MDGA2: variants seen among roughly 807,000 people sequenced by gnomAD.
MDGA2 encodes the protein MAM domain containing glycosylphosphatidylinositol anchor 2.
Under a neutral mutation model 117.8 loss-of-function variants are expected in MDGA2, and 40 were observed. The observed-to-expected ratio is 0.34, with a 90% CI of 0.26 to 0.44. The LOEUF (loss-of-function observed/expected upper bound fraction) is 0.44. Among genes scored for constraint, MDGA2 ranks in the 20% least tolerant of loss-of-function variants. The pLI is 1.00. For missense variants in MDGA2, 1,123 were observed against 1,250.6 expected, an observed-to-expected ratio of 0.90 and a Z score of 1.54; for synonymous variants, 452 against 439.0, an observed-to-expected ratio of 1.03 and a Z score of -0.37.
chr14:47,196,935 G>A (rs190448316), intron 3 of MDGA2, among the ~76,000 whole-genome samples: 62 of 152,294 alleles, frequency 4.1e-4, no homozygotes, highest in African/African-American at 1.4e-3. Context: ...TTCTGTTCCT[G>A]TGTTAGTTCA....
At chr14:46,993,884 G>A (rs1887187880) in intron 8 of MDGA2, among the ~76,000 whole-genome samples, 1 of 152,110 alleles carries the variant, frequency 6.6e-6, no homozygotes, top group African/African-American at 2.4e-5. Flanking sequence ...TTTGTATTCA[G>A]CTTCTGGGAG....
chr14:47,527,360 T>G (rs762051541), intron 1 of MDGA2, among the ~76,000 whole-genome samples: 3 of 152,172 alleles, frequency 2.0e-5, no homozygotes, highest in Non-Finnish European at 2.9e-5. Flanking sequence ...GTCAAGAATT[T>G]TATAGATGGA....
intron 9 of MDGA2, among the ~76,000 whole-genome samples, chr14:46,932,611 G>A (rs949926753): frequency 1.1e-4 from 17 of 152,052 alleles, no homozygotes; most frequent in African/African-American, 3.6e-4. Flanking sequence ...TAAGGCCCAC[G>A]ATGATGCCCT....
chr14:47,180,403 G>A lies in MDGA2; in HGVS notation c.596-36129C>T, dbSNP rs530923091. On this transcript the variant is annotated intron_variant, in intron 3 of 16. Transcript: ENST00000399232. ...ACAGCAAAAGAAACTATCAATAGAG[G>A]AAACAGACAACCTATGAGATGAGAG... 5.7e-4 allele frequency among the ~76,000 whole-genome samples: 87 copies of A among 152,176 alleles called. 2 individuals carry two copies. The South Asian group carries it at 0.018, about 31-fold the overall frequency.
intron 8 of MDGA2, among the ~76,000 whole-genome samples, chr14:46,978,624 A>G (rs1026059323): frequency 8.5e-5 from 13 of 152,114 alleles, no homozygotes; most frequent in African/African-American, 2.9e-4. Context: ...AACTGTAAAT[A>G]TGAAGTTTCA....
chr14:47,115,858 T>C lies in MDGA2; in HGVS notation c.925+15856A>G, dbSNP rs1377758929. Among the ~76,000 whole-genome samples the C allele has an allele frequency of 2.0e-5, 3 of 152,144 alleles. No homozygotes were observed. In the East Asian group the frequency reaches 5.8e-4, roughly 29 times the overall value. On this transcript the variant is annotated intron_variant, in intron 5 of 16. Coordinates refer to ENST00000399232, the MANE Select transcript of MDGA2 (RefSeq NM_001113498.3). ...AGTGTGAAAATCAAAAAGGTTTTCC[T>C]ATAAGGTCTGGAATACGGAAAGGAT... is the stretch of plus-strand genomic sequence containing the variant.
chr14:47,494,936 T>C (rs1894249666), intron 1 of MDGA2, among the ~76,000 whole-genome samples: 1 of 150,712 alleles, frequency 6.6e-6, no homozygotes, highest in Non-Finnish European at 1.5e-5. Context: ...ATATTTTACA[T>C]ATACACACAC....
intron 8 of MDGA2, among the ~76,000 whole-genome samples, chr14:46,999,877 G>T (rs1887441120): frequency 6.6e-6 from 1 of 152,006 alleles, no homozygotes. Context: ...CATCTGCTCT[G>T]TCTACCTTCA....
chr14:47,059,932 T>C (rs1889820355), intron 7 of MDGA2, among the ~76,000 whole-genome samples: 1 of 152,078 alleles, frequency 6.6e-6, no homozygotes, highest in African/African-American at 2.4e-5. Flanking sequence ...GTGTACAGTG[T>C]CACCTAGCAC....
intron 1 of MDGA2, among the ~76,000 whole-genome samples, chr14:47,326,233 A>C (rs1297280419): frequency 6.6e-6 from 1 of 152,120 alleles, no homozygotes; most frequent in African/African-American, 2.4e-5. Context: ...ACATCCATAA[A>C]TATACTGCTA....
chr14:47,023,587 A>G (rs927007825), intron 8 of MDGA2, among the ~76,000 whole-genome samples: 31 of 152,208 alleles, frequency 2.0e-4, no homozygotes, highest in African/African-American at 7.5e-4. Flanking sequence ...TTAATTCAGA[A>G]TACAATATCC....
chr14:47,182,991 T>C (rs975687868), intron 3 of MDGA2, among the ~76,000 whole-genome samples: 4 of 152,180 alleles, frequency 2.6e-5, no homozygotes, highest in Non-Finnish European at 5.9e-5. Flanking sequence ...TAATGTCTAA[T>C]TATTTTTAGC....
intron 9 of MDGA2, among the ~76,000 whole-genome samples, chr14:46,947,289 T>C (rs1208290800): frequency 1.3e-5 from 2 of 152,148 alleles, no homozygotes; most frequent in Admixed American, 6.6e-5. Flanking sequence ...CAAAGTTTAA[T>C]GTCTATATAA....
At chr14:47,077,710 G>GA (rs111719120) in intron 6 of MDGA2, among the ~76,000 whole-genome samples, 2 of 149,420 alleles carry the variant, frequency 1.3e-5, no homozygotes, top group Non-Finnish European at 1.5e-5. Context: ...TGACATTGAT[G>GA]AAAAAAAAAG....
At chr14:47,553,809 C>T (rs1359332091) in intron 1 of MDGA2, among the ~76,000 whole-genome samples, 1 of 152,026 alleles carries the variant, frequency 6.6e-6, no homozygotes, top group Non-Finnish European at 1.5e-5. Flanking sequence ...CTGAAACTTG[C>T]CAATATTTTG....
At chr14:47,480,238 T>C (rs956265530) in intron 1 of MDGA2, among the ~76,000 whole-genome samples, 1 of 152,044 alleles carries the variant, frequency 6.6e-6, no homozygotes, top group Non-Finnish European at 1.5e-5. Flanking sequence ...ACTAAACATA[T>C]CAAGGTTTAC....
intron 1 of MDGA2, among the ~76,000 whole-genome samples, chr14:47,561,182 T>TG (rs1378901444): frequency 2.8e-5 from 4 of 142,982 alleles, no homozygotes; most frequent in African/African-American, 7.6e-5. Flanking sequence ...TTTGTTTGTT[T>TG]TTTTTTGCTT....
At chr14:46,961,352 T>C (rs1034791327) in intron 8 of MDGA2, among the ~76,000 whole-genome samples, 1 of 152,178 alleles carries the variant, frequency 6.6e-6, no homozygotes, top group Non-Finnish European at 1.5e-5. Context: ...TTCATTCTGC[T>C]TTTGATGTCT....
At chr14:46,905,786 T>C (rs967873877) in intron 10 of MDGA2, among the ~76,000 whole-genome samples, 5 of 151,922 alleles carry the variant, frequency 3.3e-5, no homozygotes, top group South Asian at 2.1e-4. Context: ...ATTAGATAAC[T>C]GAAACAAAAC....
Sources: gnomAD v4.1 joint callset for allele counts (sites outside exome capture counted in the v4.1 genomes callset) on GRCh38, gnomAD v4.1.1 for gene constraint, MANE v1.5 for transcripts, NCBI Gene and HGNC (gene_info 2026-07-23, HGNC 2026-07-21) for gene names.